The following SYN2 variants were observed in gnomAD, a reference collection of about 807,000 sequenced individuals.
SYN2 encodes synapsin II, also known as synapsin-2.
A neutral mutation model predicts 50.9 loss-of-function variants in SYN2; 19 were observed. The observed-to-expected ratio is 0.37, with a 90% CI of 0.26 to 0.55. SYN2 has a LOEUF of 0.55. Among genes scored for constraint, SYN2 ranks in the 20% least tolerant of loss-of-function variants. The pLI is 0.81. For missense variants in SYN2, 587 were observed against 576.4 expected (o/e 1.02, Z -0.19); for synonymous variants, 255 against 224.9 (o/e 1.13, Z -1.20).
intron 1 of SYN2, among the ~76,000 whole-genome samples, chr3:12,071,880 C>T (rs1262209205): frequency 3.3e-5 from 5 of 152,106 alleles, no homozygotes; most frequent in Non-Finnish European, 7.4e-5. Context: ...GCCAGAACAC[C>T]GAGGGCTGTT....
At chr3:12,035,622 A>C (rs1184844621) in intron 1 of SYN2, among the ~76,000 whole-genome samples, 1 of 152,152 alleles carries the variant, frequency 6.6e-6, no homozygotes, top group Non-Finnish European at 1.5e-5. Flanking sequence ...AATTGATTTG[A>C]CCGGAAAAGG....
chr3:12,150,441 T>C (rs1048097991), intron 4 of SYN2, among the ~76,000 whole-genome samples: 1 of 152,216 alleles, frequency 6.6e-6, no homozygotes, highest in Admixed American at 6.5e-5. Context: ...GCTCAACTAC[T>C]GTGTGACTTT....
intron 1 of SYN2, among the ~76,000 whole-genome samples, chr3:12,034,499 T>C (rs969856744): frequency 6.6e-6 from 1 of 152,162 alleles, no homozygotes; most frequent in Non-Finnish European, 1.5e-5. Context: ...GACTGAGGAA[T>C]TTATAAAGAA....
At chr3:12,184,449 C>G in intron 11 of SYN2, 1 of 985,868 alleles carries the variant, frequency 1.0e-6, no homozygotes, top group Non-Finnish European at 1.2e-6. Flanking sequence ...AGGGATTTGT[C>G]CATTCTGCTC....
At chr3:12,098,668 T>C (rs920702692) in intron 1 of SYN2, among the ~76,000 whole-genome samples, 2 of 151,842 alleles carry the variant, frequency 1.3e-5, no homozygotes, top group Non-Finnish European at 1.5e-5. Flanking sequence ...AATTAAGATA[T>C]AGGGAAAACA....
chr3:12,161,057 A>T (rs1264643679), intron 5 of SYN2, among the ~76,000 whole-genome samples: 2 of 152,204 alleles, frequency 1.3e-5, no homozygotes, highest in African/African-American at 4.8e-5. Context: ...AAAGAGGGAG[A>T]AAACAACCAG....
At chr3:12,090,689 GGCCAAGA>G (rs1333302304) in intron 1 of SYN2, among the ~76,000 whole-genome samples, 1 of 152,140 alleles carries the variant, frequency 6.6e-6, no homozygotes, top group Non-Finnish European at 1.5e-5. Flanking sequence ...GGTTATTCCT[GGCCAAGA>G]GCTTGATGTG....
At chr3:12,017,419 G>C (rs1474435751) in intron 1 of SYN2, among the ~76,000 whole-genome samples, 3 of 152,186 alleles carry the variant, frequency 2.0e-5, no homozygotes, top group Non-Finnish European at 4.4e-5. Flanking sequence ...AGGGAGTCCA[G>C]CTCCAGAGTT....
At chr3:12,039,193 A>AT (rs1169538225) in intron 1 of SYN2, among the ~76,000 whole-genome samples, 1 of 152,174 alleles carries the variant, frequency 6.6e-6, no homozygotes, top group Non-Finnish European at 1.5e-5. Context: ...CTATTAATAT[A>AT]TATTACATTG....
intron 1 of SYN2, among the ~76,000 whole-genome samples, chr3:12,109,071 A>G (rs1696261809): frequency 6.6e-6 from 1 of 152,198 alleles, no homozygotes; most frequent in African/African-American, 2.4e-5. Flanking sequence ...ACCAGAAAGT[A>G]CCATTATCAT....
At chr3:12,170,069 C>T (rs1393692780) in intron 10 of SYN2, among the ~76,000 whole-genome samples, 163 bp downstream of exon 10, 1 of 152,206 alleles carries the variant, frequency 6.6e-6, no homozygotes, top group Non-Finnish European at 1.5e-5. Context: ...ACCCTGGAGT[C>T]CTGATTATCT....
intron 1 of SYN2, among the ~76,000 whole-genome samples, chr3:12,096,882 A>G (rs1364820810): frequency 1.3e-5 from 2 of 152,198 alleles, no homozygotes; most frequent in African/African-American, 2.4e-5. Context: ...AAATGTACAG[A>G]GCCTCAAGGA....
chr3:12,078,057 T>C (rs1413405752), intron 1 of SYN2, among the ~76,000 whole-genome samples: 2 of 152,210 alleles, frequency 1.3e-5, no homozygotes, highest in Non-Finnish European at 2.9e-5. Context: ...TGATTTGCAT[T>C]CTCTAATGAT....
At chr3:12,087,307 G>A (rs1334923283) in intron 1 of SYN2, among the ~76,000 whole-genome samples, 1 of 152,050 alleles carries the variant, frequency 6.6e-6, no homozygotes, top group East Asian at 1.9e-4. Context: ...TACAGATTCA[G>A]TGTAATCCCT....
In SYN2 at chr3:12,120,161, C is replaced by T. The variant is rs1420402709; in HGVS notation, c.378-20490C>T. Among the ~76,000 whole-genome samples the T allele has an allele frequency of 2.0e-5, 3 of 152,090 alleles. No individual in the cohort carries two copies. The East Asian group carries it at 5.8e-4, about 29-fold the overall frequency. On this transcript the variant is annotated intron_variant, in intron 1 of 12. Transcript: ENST00000621198. ...CCACTAGTCTAGTTCAAATCCCTGA[C>T]AATACAAATGGGGAAACAGAGGCCT...
At chr3:12,095,832 A>G (rs539436746) in intron 1 of SYN2, among the ~76,000 whole-genome samples, 10 of 152,122 alleles carry the variant, frequency 6.6e-5, no homozygotes, top group Non-Finnish European at 1.5e-4. Context: ...AGCCATCACC[A>G]TAGATTTCAT....
chr3:12,150,117 G>A (rs1697244494), intron 4 of SYN2, among the ~76,000 whole-genome samples: 1 of 152,156 alleles, frequency 6.6e-6, no homozygotes, highest in Non-Finnish European at 1.5e-5. Flanking sequence ...TAGAGAACAG[G>A]ACCTGAGCTG....
intron 1 of SYN2, among the ~76,000 whole-genome samples, chr3:12,009,288 T>C (rs956449499): frequency 1.3e-5 from 2 of 152,050 alleles, no homozygotes; most frequent in East Asian, 3.9e-4. Context: ...ACTTAGCTAA[T>C]GGCAGAACCA....
intron 1 of SYN2, among the ~76,000 whole-genome samples, chr3:12,098,041 A>G (rs577478000): frequency 6.6e-5 from 10 of 152,342 alleles, no homozygotes; most frequent in African/African-American, 1.4e-4. Context: ...GAGAAGATCA[A>G]TGAACTCTAA....
Sources: allele counts gnomAD v4.1 joint callset (sites outside exome capture counted in the v4.1 genomes callset), GRCh38; gene constraint gnomAD v4.1.1; transcripts MANE v1.5; gene names NCBI Gene and HGNC (gene_info 2026-07-23, HGNC 2026-07-21).